Variants in DHX40 observed in about 807,000 individuals in gnomAD.
The protein encoded by DHX40 is probable ATP-dependent RNA helicase DHX40.
DHX40 carries 28 observed loss-of-function variants against 89.6 expected under a neutral mutation model. That is an observed-to-expected ratio of 0.31 (90% CI 0.23 to 0.43). DHX40 has a LOEUF of 0.43. DHX40 is among the 20% of genes least tolerant of loss of function. The pLI is 1.00. For missense variants in DHX40, 457 were observed against 844.0 expected (o/e 0.54, Z 5.68); for synonymous variants, 226 against 283.6 (o/e 0.80, Z 2.04).
intron 6 of DHX40, among the ~76,000 whole-genome samples, chr17:59,574,675 G>C (rs973691827): frequency 6.6e-6 from 1 of 151,254 alleles, no homozygotes; most frequent in Non-Finnish European, 1.5e-5. Flanking sequence ...TTGTTGGTCT[G>C]TCTTAGATAG....
chr17:59,588,310 G>T (rs1598160403), intron 12 of DHX40, among the ~76,000 whole-genome samples: 1 of 148,946 alleles, frequency 6.7e-6, no homozygotes, highest in Admixed American at 6.6e-5. Flanking sequence ...TTAGTAGGAA[G>T]TACAGAGGGT....
At chr17:59,579,000 A>ATG (rs1267950542) in intron 8 of DHX40, among the ~76,000 whole-genome samples, 1 of 144,030 alleles carries the variant, frequency 6.9e-6, no homozygotes, top group Non-Finnish European at 1.5e-5. Flanking sequence ...ATATATATAT[A>ATG]TATATATTCC....
At chr17:59,592,191 T>C (rs553715813) in intron 12 of DHX40, among the ~76,000 whole-genome samples, 13 of 151,850 alleles carry the variant, frequency 8.6e-5, no homozygotes, top group South Asian at 4.2e-4. Flanking sequence ...AAATTTAACT[T>C]TGATACAATA....
intron 4 of DHX40, 40 bp from the exon 5 acceptor site, chr17:59,573,700 A>C (rs751772936): frequency 3.7e-6 from 6 of 1,600,890 alleles, no homozygotes; most frequent in African/African-American, 2.7e-5. Flanking sequence ...TTGGCTGTTA[A>C]GTGTACTTGT....
chr17:59,602,611 T>G lies in DHX40; in HGVS notation c.1896T>G (p.Ala632=). Residue 632 remains alanine, a synonymous_variant, in exon 15 of 18, where the codon GCT becomes GCG. Transcript: ENST00000251241. ...CLCAGYFKNV[A]RRSVGRTFCT... The stretch of plus-strand genomic sequence containing the variant: ...GTGCGGGCTATTTCAAAAATGTAGC[T>G]CGAAGGTAAGCAATAAAGACTTGAG... 6.2e-7 allele frequency: 1 copy of G among 1,613,520 alleles called. No individual in the cohort carries two copies. The highest frequency in any genetic ancestry group is 8.5e-7 in the Non-Finnish European group (1 of 1,179,612).
chr17:59,606,117 G>A (rs1394027618), intron 17 of DHX40, among the ~76,000 whole-genome samples: 3 of 151,690 alleles, frequency 2.0e-5, no homozygotes, highest in African/African-American at 7.3e-5. Context: ...TGTGATTTTG[G>A]CTCACTGCAG....
At chr17:59,606,940 A>G (rs2143385422) in intron 17 of DHX40, 93 bp from the exon 18 acceptor site, 1 of 1,196,610 alleles carries the variant, frequency 8.4e-7, no homozygotes, top group South Asian at 1.5e-5. Context: ...TTACTTTGTT[A>G]ACACTGAAAA....
chr17:59,605,235 TA>T, intron 16 of DHX40, 51 bp downstream of exon 16: 1 of 1,535,272 alleles, frequency 6.5e-7, no homozygotes, highest in Non-Finnish European at 9.0e-7. Flanking sequence ...GTTGTAGAAA[TA>T]AGTAATATAC....
chr17:59,572,459 A>G (rs1017557301), intron 3 of DHX40, among the ~76,000 whole-genome samples: 9 of 152,102 alleles, frequency 5.9e-5, no homozygotes, highest in South Asian at 2.1e-4. Flanking sequence ...GCTCACTGCA[A>G]TCTCCGCCTC....
chr17:59,567,827 G>T (rs952707373), intron 2 of DHX40, among the ~76,000 whole-genome samples: 1 of 152,016 alleles, frequency 6.6e-6, no homozygotes, highest in Admixed American at 6.6e-5. Context: ...AGCTACTCGG[G>T]AGGCTGAGGC....
At chr17:59,577,963 A>G (rs1174105297) in intron 8 of DHX40, among the ~76,000 whole-genome samples, 1 of 152,146 alleles carries the variant, frequency 6.6e-6, no homozygotes, top group African/African-American at 2.4e-5. Flanking sequence ...ATCTGGATGT[A>G]TTGTCTCTGA....
Position 59,588,237 on chromosome 17 carries a change from A to C in DHX40, c.1582+184A>C, listed in dbSNP as rs901946207. 1.6e-4 allele frequency among the ~76,000 whole-genome samples: 24 copies of C among 150,364 alleles called. 2 individuals carry two copies. Among genetic ancestry groups the C allele is most frequent in the Admixed American group, 5.3e-4 (8 of 15,214 alleles). The stretch of plus-strand genomic sequence containing the variant: ...TCTCTACTAAAAAAAAAAAAAAAAA[A>C]AAAACCAAAAACAAAATTAATAGAC... On this transcript the variant is annotated intron_variant, in intron 12 of 17. Transcript: ENST00000251241.
intron 12 of DHX40, among the ~76,000 whole-genome samples, chr17:59,596,108 A>G (rs1462960365): frequency 6.6e-6 from 1 of 152,094 alleles, no homozygotes; most frequent in African/African-American, 2.4e-5. Context: ...GCATGGTGCC[A>G]TGATTCTAGG....
intron 12 of DHX40, among the ~76,000 whole-genome samples, 166 bp downstream of exon 12, chr17:59,588,219 T>TAAAAAAA (rs1169868073): frequency 1.5e-5 from 1 of 67,810 alleles, no homozygotes; most frequent in Non-Finnish European, 2.9e-5. Context: ...CCATCTCTAC[T>TAAAAAAA]AAAAAAAAAA....
rs148281715 is a variant in DHX40 at position 59,572,967 on chromosome 17, C to T, written c.427-149C>T. The T allele has an allele frequency of 5.8e-4, 431 of 749,348 alleles. 3 individuals are homozygous for T. In the African/African-American group the frequency reaches 7.2e-3, roughly 12 times the overall value. 46.4% of individuals were successfully genotyped at this position (749,348 alleles called of 1,614,324 possible). On this transcript the variant is annotated intron_variant, in intron 3 of 17. Transcript: ENST00000251241. Reference sequence around the variant, plus strand: ...ATAGACAGCATGTTTTGTAACTTACCATCATTTTGTATACATAAGTTAGAC... The same window carrying T: ...ATAGACAGCATGTTTTGTAACTTACTATCATTTTGTATACATAAGTTAGAC...
At chr17:59,574,628 T>G (rs1421639472) in intron 6 of DHX40, among the ~76,000 whole-genome samples, 4 of 149,446 alleles carry the variant, frequency 2.7e-5, no homozygotes, top group Admixed American at 2.0e-4. Context: ...CACACTGACC[T>G]TTTAATAGAA....
chr17:59,565,953 T>C (rs2048698561), intron 1 of DHX40, among the ~76,000 whole-genome samples, 170 bp downstream of exon 1: 1 of 148,638 alleles, frequency 6.7e-6, no homozygotes, highest in Non-Finnish European at 1.5e-5. Flanking sequence ...CACTTTGCCT[T>C]AGAGGGGGGC....
Position 59,607,835 on chromosome 17 carries a change from T to C in DHX40, c.*663T>C, listed in dbSNP as rs2030953277. The C allele has an allele frequency of 6.6e-6, 1 of 152,016 alleles. No individual in the cohort carries two copies. The highest frequency in any genetic ancestry group is 1.5e-5 in the Non-Finnish European group (1 of 68,096). 9.4% of individuals were successfully genotyped at this position (152,016 alleles called of 1,614,324 possible). A position where few individuals can be genotyped will look rare whatever the true frequency, so the allele number is the denominator to read the frequency against. Reference sequence around the variant, plus strand: ...AAATTCCTTTTTATATAAAAGTATATTGTTTAAAACAGTAGCTATAGCCAT... The same window carrying C: ...AAATTCCTTTTTATATAAAAGTATACTGTTTAAAACAGTAGCTATAGCCAT... On this transcript the variant is annotated 3_prime_UTR_variant, in exon 18 of 18. Coordinates refer to ENST00000251241, the MANE Select transcript of DHX40 (RefSeq NM_024612.5).
At chr17:59,571,578 C>T (rs1023838946) in intron 3 of DHX40, among the ~76,000 whole-genome samples, 5 of 151,814 alleles carry the variant, frequency 3.3e-5, no homozygotes, top group African/African-American at 1.2e-4. Flanking sequence ...TCTCCCTCCC[C>T]CTAGCCTCTG....
Sources: gnomAD v4.1 joint callset for allele counts (sites outside exome capture counted in the v4.1 genomes callset) on GRCh38, gnomAD v4.1.1 for gene constraint, MANE v1.5 for transcripts, NCBI Gene and HGNC (gene_info 2026-07-23, HGNC 2026-07-21) for gene names.